PAX8: variants seen among roughly 807,000 people sequenced by gnomAD.
PAX8 encodes the protein paired box 8, also known as paired box protein Pax-8.
In PAX8, 15 loss-of-function variants were observed where a neutral mutation model predicts 52.4. The ratio of observed to expected loss-of-function variants is 0.29; its 90% confidence interval spans 0.19 to 0.44. The LOEUF (loss-of-function observed/expected upper bound fraction) is 0.44. PAX8 is among the 20% of genes least tolerant of loss of function. The pLI, the probability that PAX8 is intolerant of heterozygous loss-of-function variation, is 1.00. For missense variants in PAX8, 554 were observed against 602.5 expected (o/e 0.92, Z 0.84); for synonymous variants, 284 against 249.7 (o/e 1.14, Z -1.29).
At chr2:113,227,301 C>T (rs938685168) in intron 9 of PAX8, 45 bp from the exon 10 acceptor site, 1 of 1,438,108 alleles carries the variant, frequency 7.0e-7, no homozygotes, top group Non-Finnish European at 9.6e-7. Flanking sequence ...CATGGGGGCT[C>T]CCATATGTAT....
rs962364784 is a variant in PAX8 at position 113,255,995 on chromosome 2, A to T, written c.26-9076T>A. 1.5e-4 allele frequency among the ~76,000 whole-genome samples: 7 copies of T among 46,180 alleles called. No individual in the cohort carries two copies. The East Asian group carries it at 1.8e-3, about 12-fold the overall frequency. 30.3% of individuals were successfully genotyped at this position (46,180 alleles called of 152,430 possible). ...ATATGCCTGCCAGGGCTCAATCAGT[A>T]AAAAAAAAAAAAAAAAGTTCTCCAG... On this transcript the variant is annotated intron_variant, in intron 2 of 11. Transcript: ENST00000429538.
At chr2:113,273,657 G>C (rs1418448912) in intron 2 of PAX8, 1 of 152,084 alleles carries the variant, frequency 6.6e-6, no homozygotes, top group Non-Finnish European at 1.5e-5. Context: ...CACACAAATT[G>C]TTTTTATGAG....
chr2:113,235,216 C>T, intron 9 of PAX8, 178 bp downstream of exon 9: 1 of 585,552 alleles, frequency 1.7e-6, no homozygotes, highest in Non-Finnish European at 3.0e-6. Flanking sequence ...CCCTTCCGAG[C>T]ATGTCTTCCC....
chr2:113,235,619 G>A (rs1416481277), intron 8 of PAX8, 37 bp from the exon 9 acceptor site: 8 of 1,545,588 alleles, frequency 5.2e-6, no homozygotes, highest in African/African-American at 1.4e-5. Context: ...AGAGAGGGGT[G>A]TGAGATGGCG....
In PAX8 at chr2:113,249,397, A is replaced by C. The variant is rs1337246054; in HGVS notation, c.26-2478T>G. 2.0e-5 allele frequency among the ~76,000 whole-genome samples: 3 copies of C among 152,220 alleles called. No individual in the cohort carries two copies. In the East Asian group the frequency reaches 5.8e-4, roughly 29 times the overall value. Reference sequence around the variant, plus strand: ...CCCAAACACAGACAAGACCTTCAGCAGTCCAGCTTTGTCCTCATTTTCCAG... The same window carrying C: ...CCCAAACACAGACAAGACCTTCAGCCGTCCAGCTTTGTCCTCATTTTCCAG... On this transcript the variant is annotated intron_variant, in intron 2 of 11. Transcript: ENST00000429538.
At chr2:113,249,436 G>A (rs114114890) in intron 2 of PAX8, among the ~76,000 whole-genome samples, 26 of 152,242 alleles carry the variant, frequency 1.7e-4, no homozygotes, top group Non-Finnish European at 2.6e-4. Context: ...TTTCCGGGCC[G>A]TATCCACCCA....
chr2:113,278,377 G>T lies in PAX8; in HGVS notation c.18C>A (p.Ile6=). 1 of 1,608,342 alleles carries T rather than the reference G, an allele frequency of 6.2e-7. No individual in the cohort carries two copies. The change falls in exon 2 of 12, where the codon ATC becomes ATA. Residue 6 remains isoleucine (I), a synonymous_variant. Transcript: ENST00000429538. MPHNS[I]RSGHGGLNQL... ...ACCACACCGCGTTCTTACCAGATCTGATGGAGTTGTGAGGCATCGCCGGGG... is the reference window on the plus strand; with the variant it reads ...ACCACACCGCGTTCTTACCAGATCTTATGGAGTTGTGAGGCATCGCCGGGG...
intron 7 of PAX8, chr2:113,237,537 T>C (rs1054212419): frequency 6.6e-6 from 1 of 151,906 alleles, no homozygotes; most frequent in African/African-American, 2.4e-5. Flanking sequence ...GTATTGAGAG[T>C]TGTTTTTGTT....
chr2:113,218,648 T>C (rs1166303904), intron 11 of PAX8, 39 bp from the exon 12 acceptor site: 1 of 1,378,768 alleles, frequency 7.3e-7, no homozygotes. Context: ...ACACTGCTGG[T>C]CAGAAAGGAA....
chr2:113,241,774 C>A, intron 6 of PAX8, 48 bp from the exon 7 acceptor site: 1 of 1,601,040 alleles, frequency 6.2e-7, no homozygotes, highest in South Asian at 1.1e-5. Context: ...CCTATCTATT[C>A]ATGCTCTAGG....
intron 2 of PAX8, among the ~76,000 whole-genome samples, chr2:113,262,897 C>A (rs1016804647): frequency 6.6e-6 from 1 of 152,204 alleles, no homozygotes; most frequent in African/African-American, 2.4e-5. Context: ...AACTGTGAAA[C>A]AATAAATTTC....
Position 113,218,457 on chromosome 2 carries a change from CT to C in PAX8, c.*75del. The C allele has an allele frequency of 3.9e-6, 3 of 769,688 alleles. No homozygotes were observed. The East Asian group carries it at 8.6e-5, about 22-fold the overall frequency. The allele number at this position is 769,688 out of a possible 1,614,324, so 47.7% of individuals were successfully genotyped here. ...TTTTTCATGTAATAAATAAAGATTC[CT>C]TTGTGTGACTCTCTGGGGCCTGTCC... On this transcript the variant is annotated 3_prime_UTR_variant, in exon 12 of 12. Transcript: ENST00000429538.
At chr2:113,241,982 C>T (rs373099535) in intron 6 of PAX8, 26 bp downstream of exon 6, 87 of 1,612,284 alleles carry the variant, frequency 5.4e-5, no homozygotes, top group South Asian at 3.3e-4. Context: ...GTGCACCGCC[C>T]GCTGCCCTCC....
At chr2:113,258,528 C>G (rs540413078) in intron 2 of PAX8, among the ~76,000 whole-genome samples, 1 of 152,326 alleles carries the variant, frequency 6.6e-6, no homozygotes, top group African/African-American at 2.4e-5. Flanking sequence ...CCTGCTGGCT[C>G]TTTTGGCCAT....
chr2:113,241,448 G>T, intron 7 of PAX8, 103 bp downstream of exon 7: 1 of 1,175,602 alleles, frequency 8.5e-7, no homozygotes, highest in Non-Finnish European at 1.2e-6. Context: ...TGAGCCCATT[G>T]ATGCAACTTC....
chr2:113,251,209 C>T (rs1691731335), intron 2 of PAX8, among the ~76,000 whole-genome samples: 2 of 152,138 alleles, frequency 1.3e-5, no homozygotes, highest in African/African-American at 4.8e-5. Flanking sequence ...CTGGGTGAGT[C>T]ACCACCAAAT....
chr2:113,260,125 G>A (rs1441642312), intron 2 of PAX8, among the ~76,000 whole-genome samples: 2 of 152,134 alleles, frequency 1.3e-5, no homozygotes, highest in African/African-American at 4.8e-5. Context: ...AATATTCCAG[G>A]CTGTGTGTAT....
At chr2:113,228,070 C>T (rs1244855269) in intron 9 of PAX8, among the ~76,000 whole-genome samples, 2 of 152,148 alleles carry the variant, frequency 1.3e-5, no homozygotes, top group Non-Finnish European at 2.9e-5. Flanking sequence ...GTAAAGACCT[C>T]ATTTCCCGGC....
In PAX8 at chr2:113,218,410, C is replaced by T. The variant is rs1260007455; in HGVS notation, c.*123G>A. The T allele has an allele frequency of 6.8e-5, 39 of 570,470 alleles. No homozygotes were observed. The highest frequency in any genetic ancestry group is 1.1e-4 in the Non-Finnish European group (37 of 326,456). 35.3% of individuals were successfully genotyped at this position (570,470 alleles called of 1,614,324 possible). The stretch of plus-strand genomic sequence containing the variant: ...TAAATTAACCACACAGGGAGTGTGC[C>T]GCAATGCTGGACTTGTGGTTATTTT... On this transcript the variant is annotated 3_prime_UTR_variant, in exon 12 of 12. Coordinates refer to ENST00000429538, the MANE Select transcript of PAX8 (RefSeq NM_003466.4).
Sources: gnomAD v4.1 joint callset for allele counts (sites outside exome capture counted in the v4.1 genomes callset) on GRCh38, gnomAD v4.1.1 for gene constraint, MANE v1.5 for transcripts, NCBI Gene and HGNC (gene_info 2026-07-23, HGNC 2026-07-21) for gene names.